The following PCSK5 variants were observed in gnomAD, a reference collection of about 807,000 sequenced individuals.
The protein encoded by PCSK5 is proprotein convertase subtilisin/kexin type 5, also known as prohormone convertase 5.
A neutral mutation model predicts 233.2 loss-of-function variants in PCSK5; 129 were observed. The observed-to-expected ratio is 0.55, with a 90% confidence interval of 0.48 to 0.64. PCSK5 has a LOEUF of 0.64. Ranked by LOEUF, PCSK5 falls within the 30% of genes least tolerant of loss-of-function variation. PCSK5 has a pLI of 0.00. For missense variants in PCSK5, 2,076 were observed against 2,430.1 expected, an observed-to-expected ratio of 0.85 and a Z score of 3.06; for synonymous variants, 825 against 879.2, an observed-to-expected ratio of 0.94 and a Z score of 1.09.
At chr9:75,996,821 T>TG (rs1563962615) in intron 3 of PCSK5, among the ~76,000 whole-genome samples, 1 of 151,712 alleles carries the variant, frequency 6.6e-6, no homozygotes, top group South Asian at 2.1e-4. Flanking sequence ...CAAAGTTTTT[T>TG]TTTTTTTTTT....
intron 10 of PCSK5, among the ~76,000 whole-genome samples, chr9:76,138,440 T>G (rs946800929): frequency 6.6e-6 from 1 of 152,068 alleles, no homozygotes; most frequent in African/African-American, 2.4e-5. Context: ...CGGAAGACTT[T>G]TAATTCAGGC....
At chr9:76,247,606 G>C (rs548692425) in intron 24 of PCSK5, among the ~76,000 whole-genome samples, 2 of 152,172 alleles carry the variant, frequency 1.3e-5, no homozygotes, top group Non-Finnish European at 1.5e-5. Context: ...AATCCAGCTA[G>C]TCCTGTCTCT....
chr9:76,084,547 A>C (rs1032071859), intron 7 of PCSK5, among the ~76,000 whole-genome samples: 2 of 152,214 alleles, frequency 1.3e-5, no homozygotes. Context: ...CGTTCTGTTT[A>C]TAGTGACTGC....
At chr9:76,205,095 G>A (rs7851394) in intron 20 of PCSK5, 500,814 of 518,866 alleles carry the variant, frequency 0.97, 241,828 homozygotes, top group East Asian at 1. Flanking sequence ...CACCATATCT[G>A]TCATTTCTTT....
intron 1 of PCSK5, among the ~76,000 whole-genome samples, chr9:75,917,630 G>A (rs960417694): frequency 6.6e-6 from 1 of 152,212 alleles, no homozygotes; most frequent in Non-Finnish European, 1.5e-5. Flanking sequence ...ACCCCAAGAG[G>A]AGACACTGAT....
chr9:76,157,265 C>T (rs1033601925), intron 11 of PCSK5, 103 bp downstream of exon 11: 3 of 744,070 alleles, frequency 4.0e-6, no homozygotes, highest in African/African-American at 3.5e-5. Context: ...CTAAAAGCTT[C>T]TGTAGTTTCT....
chr9:76,230,025 A>G (rs1826025935), intron 21 of PCSK5, among the ~76,000 whole-genome samples: 1 of 152,162 alleles, frequency 6.6e-6, no homozygotes, highest in South Asian at 2.1e-4. Context: ...TTTAAGGAAC[A>G]TTTTCATCAG....
chr9:76,058,776 G>A (rs1564001375), intron 5 of PCSK5, among the ~76,000 whole-genome samples: 1 of 152,174 alleles, frequency 6.6e-6, no homozygotes, highest in Non-Finnish European at 1.5e-5. Flanking sequence ...TATGTTTAAA[G>A]AATATTTTTA....
At chr9:75,929,213 G>A (rs765804562) in intron 1 of PCSK5, among the ~76,000 whole-genome samples, 3 of 152,146 alleles carry the variant, frequency 2.0e-5, no homozygotes, top group East Asian at 1.9e-4. Flanking sequence ...GATTACAGGC[G>A]TGAGCCGCCG....
chr9:75,989,608 C>G (rs1826678216), intron 3 of PCSK5, among the ~76,000 whole-genome samples: 1 of 152,068 alleles, frequency 6.6e-6, no homozygotes, highest in African/African-American at 2.4e-5. Flanking sequence ...CTAGAAGACT[C>G]AAAGGCTTGG....
chr9:76,344,655 T>G (rs1238341237), intron 35 of PCSK5, among the ~76,000 whole-genome samples: 1 of 152,188 alleles, frequency 6.6e-6, no homozygotes, highest in Non-Finnish European at 1.5e-5. Context: ...TATTTGGTTT[T>G]TTGAAAAGTT....
intron 2 of PCSK5, among the ~76,000 whole-genome samples, chr9:75,976,372 T>G (rs1015978216): frequency 5.9e-5 from 9 of 151,954 alleles, no homozygotes; most frequent in Non-Finnish European, 1.2e-4. Context: ...CTAAGTTCTT[T>G]TTACCCTCTA....
At chr9:75,955,282 G>A (rs1825046259) in intron 2 of PCSK5, among the ~76,000 whole-genome samples, 2 of 152,088 alleles carry the variant, frequency 1.3e-5, no homozygotes, top group Admixed American at 1.3e-4. Flanking sequence ...CAAAAATATA[G>A]AGCAGGAAGG....
chr9:76,283,077 C>T (rs1471780146), intron 24 of PCSK5, among the ~76,000 whole-genome samples: 1 of 152,138 alleles, frequency 6.6e-6, no homozygotes, highest in Non-Finnish European at 1.5e-5. Flanking sequence ...TATGGTTGAG[C>T]AAAGAAAGTG....
At chr9:76,163,490 C>T (rs1397671263) in intron 12 of PCSK5, among the ~76,000 whole-genome samples, 3 of 152,168 alleles carry the variant, frequency 2.0e-5, no homozygotes, top group Non-Finnish European at 4.4e-5. Flanking sequence ...TGGCAAGCCC[C>T]GTGGATCATT....
In PCSK5 at chr9:75,902,268, A is replaced by AATTTACCAG. The variant is rs568239052; in HGVS notation, c.192+10897_192+10905dup. 9.7e-4 allele frequency among the ~76,000 whole-genome samples: 146 copies of AATTTACCAG among 150,164 alleles called. 4 individuals are homozygous for AATTTACCAG. The East Asian group carries it at 0.025, about 26-fold the overall frequency. ...AGAAAAGGACAAAACAAGGAGTTTG[A>AATTTACCAG]ATTTACCAGAGTAAGAGAGAAGGCG... is the stretch of plus-strand genomic sequence containing the variant. On this transcript the variant is annotated intron_variant, in intron 1 of 37. Coordinates refer to ENST00000674117, the MANE Select transcript of PCSK5 (RefSeq NM_001372043.1).
intron 3 of PCSK5, among the ~76,000 whole-genome samples, chr9:76,013,264 A>C (rs1827809405): frequency 6.6e-6 from 1 of 152,196 alleles, no homozygotes; most frequent in African/African-American, 2.4e-5. Flanking sequence ...TGGAGGGGCC[A>C]AGACTATTTA....
chr9:76,362,684 G>A lies in PCSK5; in HGVS notation c.*3762G>A, dbSNP rs531547685. Among the ~76,000 whole-genome samples, 64 of 152,350 alleles carry A rather than the reference G, an allele frequency of 4.2e-4. No homozygotes were observed. Among genetic ancestry groups the A allele is most frequent in the African/African-American group, 1.5e-3 (63 of 41,586 alleles). On this transcript the variant is annotated 3_prime_UTR_variant, in exon 38 of 38. Coordinates refer to ENST00000674117, the MANE Select transcript of PCSK5 (RefSeq NM_001372043.1). ...AGCCCGGCGCTACGCCCTGGGCCTG[G>A]CAGTTAAAGATCGACCTCTGACCTA...
chr9:76,128,235 A>G (rs1339237), intron 9 of PCSK5, among the ~76,000 whole-genome samples: 73,911 of 151,952 alleles, frequency 0.49, 18,243 homozygotes, highest in Admixed American at 0.52. Context: ...TACTCTGAAC[A>G]GTTTTCAAGC....
Sources: gnomAD v4.1 joint callset for allele counts (sites outside exome capture counted in the v4.1 genomes callset) on GRCh38, gnomAD v4.1.1 for gene constraint, MANE v1.5 for transcripts, NCBI Gene and HGNC (gene_info 2026-07-23, HGNC 2026-07-21) for gene names.